RIC3: variants seen among roughly 807,000 people sequenced by gnomAD.
RIC3 encodes the protein RIC3 acetylcholine receptor chaperone.
A neutral mutation model predicts 27.3 loss-of-function variants in RIC3; 28 were observed. The ratio of observed to expected loss-of-function variants is 1.02; its 90% confidence interval spans 0.76 to 1.41. The LOEUF is 1.41. RIC3 is among the 40% of genes most tolerant of loss of function. The probability of loss-of-function intolerance (pLI) is 0.00; values close to 1 mark genes in which losing one functional copy is unlikely to be tolerated. For missense variants in RIC3, 501 were observed against 444.7 expected (o/e 1.13, Z -1.14); for synonymous variants, 184 against 160.4 (o/e 1.15, Z -1.11).
intron 5 of RIC3, among the ~76,000 whole-genome samples, chr11:8,115,753 C>G (rs1430950860): frequency 6.6e-6 from 1 of 152,046 alleles, no homozygotes; most frequent in Non-Finnish European, 1.5e-5. Flanking sequence ...GAAGAAGACA[C>G]AAATAAAATG....
intron 1 of RIC3, among the ~76,000 whole-genome samples, chr11:8,168,606 G>A (rs1030632632): frequency 1.6e-4 from 25 of 152,208 alleles, no homozygotes; most frequent in Non-Finnish European, 3.4e-4. Flanking sequence ...ACGGGAGTAC[G>A]CAAGGCCACC....
intron 5 of RIC3, among the ~76,000 whole-genome samples, chr11:8,120,909 G>A (rs1946373630): frequency 6.6e-6 from 1 of 151,986 alleles, no homozygotes; most frequent in Admixed American, 6.6e-5. Flanking sequence ...TTTATACCCA[G>A]CCAAACAATT....
At chr11:8,144,843 T>A (rs1949497652) in intron 1 of RIC3, among the ~76,000 whole-genome samples, 1 of 151,840 alleles carries the variant, frequency 6.6e-6, no homozygotes, top group South Asian at 2.1e-4. Flanking sequence ...TGGAATACTA[T>A]GCAGCCATAA....
chr11:8,165,812 T>G (rs897730357), intron 1 of RIC3, among the ~76,000 whole-genome samples: 1 of 149,752 alleles, frequency 6.7e-6, no homozygotes, highest in African/African-American at 2.5e-5. Context: ...AGAGTCTCAC[T>G]GTGTTGCCCA....
chr11:8,101,457 TC>T, downstream of RIC3: 1 of 1,565,760 alleles, frequency 6.4e-7, no homozygotes. Context: ...CCTGTCCTTT[TC>T]TCTGTCTGTG....
chr11:8,118,224 CAAAAAAAAAA>C (rs989594446), intron 5 of RIC3, among the ~76,000 whole-genome samples: 6 of 46,018 alleles, frequency 1.3e-4, no homozygotes, highest in African/African-American at 2.8e-4. Context: ...GGTTCCATCT[CAAAAAAAAAA>C]AAAAAAAAAG....
intron 1 of RIC3, among the ~76,000 whole-genome samples, chr11:8,147,349 C>T (rs747371692): frequency 3.9e-5 from 6 of 151,996 alleles, no homozygotes; most frequent in Non-Finnish European, 8.8e-5. Flanking sequence ...GCAAAATAAA[C>T]GTTCTAAATT....
chr11:8,103,579 A>ACC (rs1944396667), downstream of RIC3: 1 of 152,464 alleles, frequency 6.6e-6, no homozygotes, highest in South Asian at 2.1e-4. Flanking sequence ...TCTGTGAGAG[A>ACC]CCCCCTCCAA....
rs1057088666 is a variant in RIC3 at position 8,109,263 on chromosome 11, T to C, written c.*1435A>G. ...AAGCATAATGTAACTCTAAAAGCCA[T>C]ATCTACCTTTACATAATGTCTTAAT... On this transcript the variant is annotated 3_prime_UTR_variant, in exon 6 of 6. Coordinates refer to ENST00000309737, the MANE Select transcript of RIC3 (RefSeq NM_001206671.4). 1 of 152,252 alleles carries C rather than the reference T, an allele frequency of 6.6e-6. No individual in the cohort carries two copies. The highest frequency in any genetic ancestry group is 6.5e-5 in the Admixed American group (1 of 15,288). 9.4% of individuals were successfully genotyped at this position (152,252 alleles called of 1,614,324 possible).
chr11:8,141,098 C>A (rs1001345596), intron 1 of RIC3, among the ~76,000 whole-genome samples: 14 of 149,180 alleles, frequency 9.4e-5, no homozygotes, highest in African/African-American at 3.2e-4. Flanking sequence ...TAAAGACCAT[C>A]GAGACTAGGA....
At chr11:8,156,482 AGTAG>A (rs1293137640) in intron 1 of RIC3, among the ~76,000 whole-genome samples, 1 of 152,246 alleles carries the variant, frequency 6.6e-6, no homozygotes, top group Admixed American at 6.5e-5. Context: ...TAGCACATAT[AGTAG>A]GTATTTAACA....
At chr11:8,099,256 A>G in the RIC3 span, among the ~76,000 whole-genome samples, 1 of 152,124 alleles carries the variant, frequency 6.6e-6, no homozygotes, top group South Asian at 2.1e-4. Flanking sequence ...TGAACGTTCA[A>G]CCTAAGAGGT....
intron 1 of RIC3, chr11:8,153,439 G>C: frequency 2.2e-6 from 1 of 451,914 alleles, no homozygotes; most frequent in Non-Finnish European, 4.4e-6. Context: ...ATACAAAAAA[G>C]TAATTATCAC....
chr11:8,096,670 C>T, the RIC3 span: 1 of 1,542,286 alleles, frequency 6.5e-7, no homozygotes, highest in Non-Finnish European at 9.0e-7. Flanking sequence ...CCTTCTTCTT[C>T]TCTCCTTGGC....
chr11:8,100,772 G>A, the RIC3 span: 16 of 1,603,466 alleles, frequency 1.0e-5, no homozygotes, highest in East Asian at 3.3e-4. Flanking sequence ...CCCTTTCTGG[G>A]GTGGTCATGG....
At chr11:8,141,730 T>C (rs1174340768) in intron 1 of RIC3, among the ~76,000 whole-genome samples, 1 of 152,144 alleles carries the variant, frequency 6.6e-6, no homozygotes, top group Admixed American at 6.5e-5. Context: ...TATACATTTT[T>C]TTCAGCACCA....
At chr11:8,114,606 C>CAAAA (rs58294024) in intron 5 of RIC3, among the ~76,000 whole-genome samples, 114 of 136,668 alleles carry the variant, frequency 8.3e-4, no homozygotes, top group African/African-American at 2.9e-3. Flanking sequence ...AACTCCATCT[C>CAAAA]AAAAAAAAAA....
chr11:8,148,232 T>C (rs1488259334), intron 1 of RIC3, among the ~76,000 whole-genome samples: 1 of 151,282 alleles, frequency 6.6e-6, no homozygotes, highest in African/African-American at 2.5e-5. Context: ...AGAGACTGGG[T>C]CAGCAACAGA....
At chr11:8,128,393 A>G (rs1947243987) in intron 4 of RIC3, 1 of 382,412 alleles carries the variant, frequency 2.6e-6, no homozygotes, top group African/African-American at 2.1e-5. Context: ...GCAGGAACAG[A>G]CAAGAGCTTT....
Sources: gnomAD v4.1 joint callset for allele counts (sites outside exome capture counted in the v4.1 genomes callset) on GRCh38, gnomAD v4.1.1 for gene constraint, MANE v1.5 for transcripts, NCBI Gene and HGNC (gene_info 2026-07-23, HGNC 2026-07-21) for gene names.